The following ABI2 variants were observed in gnomAD, a reference collection of about 807,000 sequenced individuals.
ABI2 encodes abelson interactor 2.
Under a neutral mutation model 59.2 loss-of-function variants are expected in ABI2, and 25 were observed. That is an observed-to-expected ratio of 0.42 (90% CI 0.31 to 0.59). The LOEUF is 0.59. Among genes scored for constraint, ABI2 ranks in the 20% least tolerant of loss-of-function variants. The pLI, the probability that ABI2 is intolerant of heterozygous loss-of-function variation, is 0.14. For missense variants in ABI2, 545 were observed against 681.8 expected, an observed-to-expected ratio of 0.80 and a Z score of 2.23; for synonymous variants, 213 against 235.5, an observed-to-expected ratio of 0.90 and a Z score of 0.87.
chr2:203,334,103 G>A (rs1280768644), intron 1 of ABI2, among the ~76,000 whole-genome samples: 1 of 151,932 alleles, frequency 6.6e-6, no homozygotes, highest in African/African-American at 2.4e-5. Context: ...AGCATACCCA[G>A]CTAATTTTTG....
At chr2:203,377,110 G>A (rs193293710) in intron 2 of ABI2, among the ~76,000 whole-genome samples, 9 of 152,270 alleles carry the variant, frequency 5.9e-5, no homozygotes. Context: ...TTGAGGTCAG[G>A]AGTTCAAGAC....
At chr2:203,345,270 C>T (rs960110666) in intron 1 of ABI2, among the ~76,000 whole-genome samples, 1 of 152,128 alleles carries the variant, frequency 6.6e-6, no homozygotes, top group African/African-American at 2.4e-5. Flanking sequence ...ACGCTCACTG[C>T]GAAGGTCTGT....
intron 1 of ABI2, among the ~76,000 whole-genome samples, chr2:203,360,065 G>C (rs2152892548): frequency 6.6e-6 from 1 of 151,290 alleles, no homozygotes; most frequent in Admixed American, 6.6e-5. Flanking sequence ...CATGCCTGTA[G>C]TCCCAGCTAC....
chr2:203,328,539 G>A lies in ABI2; in HGVS notation c.25G>A (p.Glu9Lys). 1.2e-6 allele frequency: 2 copies of A among 1,605,246 alleles called. No individual in the cohort carries two copies. Among genetic ancestry groups the A allele is most frequent in the Non-Finnish European group, 1.7e-6 (2 of 1,176,234 alleles). ...GATGGCGGAGCTGCAGATGCTGCTG[G>A]AAGAGGAAATCCCGGGGGGCCGCCG... MAELQMLL[E>K]EEIPGGRRAL... The change falls in exon 1 of 12, where the codon GAA becomes AAA. Residue 9 changes from glutamate to lysine, a missense_variant. Glu to Lys is a moderately conservative substitution (Grantham distance 56). Transcript: ENST00000261018.
At chr2:203,339,363 T>G (rs1390629193) in intron 1 of ABI2, among the ~76,000 whole-genome samples, 1 of 151,736 alleles carries the variant, frequency 6.6e-6, no homozygotes, top group East Asian at 1.9e-4. Context: ...GCAGATTACC[T>G]GAGGTCAGGA....
chr2:203,349,281 C>T (rs375704389), intron 1 of ABI2, among the ~76,000 whole-genome samples: 1 of 152,034 alleles, frequency 6.6e-6, no homozygotes, highest in African/African-American at 2.4e-5. Flanking sequence ...GTGTTTTTTC[C>T]ACAAACAAGA....
intron 1 of ABI2, among the ~76,000 whole-genome samples, chr2:203,344,989 G>C (rs1206477918): frequency 6.6e-6 from 1 of 152,212 alleles, no homozygotes; most frequent in Non-Finnish European, 1.5e-5. Flanking sequence ...GGACCAATCA[G>C]TAGGACGTGG....
At chr2:203,374,828 C>T (rs2095573033) in intron 2 of ABI2, 1 of 455,930 alleles carries the variant, frequency 2.2e-6, no homozygotes, top group Non-Finnish European at 4.4e-6. Flanking sequence ...AGATGTTTTC[C>T]CACACTGATG....
At chr2:203,403,853 G>T (rs1372297449) in intron 9 of ABI2, among the ~76,000 whole-genome samples, 1 of 147,802 alleles carries the variant, frequency 6.8e-6, no homozygotes, top group African/African-American at 2.5e-5. Flanking sequence ...CTGGGTTCAA[G>T]AGATTCTCCT....
At chr2:203,342,344 T>G (rs573682807) in intron 1 of ABI2, 5 of 371,424 alleles carry the variant, frequency 1.3e-5, no homozygotes, top group South Asian at 1.0e-4. Context: ...GGGACTGTTT[T>G]TTTGTTTTTC....
At chr2:203,359,626 A>G (rs1166763428) in intron 1 of ABI2, among the ~76,000 whole-genome samples, 1 of 152,144 alleles carries the variant, frequency 6.6e-6, no homozygotes, top group East Asian at 1.9e-4. Context: ...GGGAAGTCCA[A>G]GATCAAGACG....
intron 1 of ABI2, among the ~76,000 whole-genome samples, chr2:203,366,587 T>C (rs756023939): frequency 1.4e-4 from 21 of 152,340 alleles, no homozygotes; most frequent in Non-Finnish European, 2.6e-4. Flanking sequence ...ATATATACTT[T>C]GCTGCCACTG....
intron 1 of ABI2, among the ~76,000 whole-genome samples, chr2:203,363,364 C>T (rs553818775): frequency 2.6e-5 from 4 of 152,044 alleles, no homozygotes; most frequent in Non-Finnish European, 4.4e-5. Flanking sequence ...ATGAAATCAC[C>T]CTGTTGTGCT....
At chr2:203,338,160 C>T (rs562626842) in intron 1 of ABI2, among the ~76,000 whole-genome samples, 2 of 152,300 alleles carry the variant, frequency 1.3e-5, no homozygotes, top group Non-Finnish European at 2.9e-5. Context: ...GCACCAGGTA[C>T]ACAATGGGGA....
At chr2:203,407,786 T>C (rs1418060025) in intron 9 of ABI2, among the ~76,000 whole-genome samples, 2 of 152,188 alleles carry the variant, frequency 1.3e-5, no homozygotes, top group South Asian at 4.1e-4. Flanking sequence ...CCTGCTCTTC[T>C]TTGCCTGTTC....
At chr2:203,415,863 T>C (rs1049686296) in intron 10 of ABI2, among the ~76,000 whole-genome samples, 1 of 152,196 alleles carries the variant, frequency 6.6e-6, no homozygotes, top group East Asian at 1.9e-4. Flanking sequence ...AGTTTGAAGA[T>C]AATCTTTTTG....
intron 1 of ABI2, among the ~76,000 whole-genome samples, chr2:203,355,767 G>C (rs1412672637): frequency 6.7e-6 from 1 of 148,512 alleles, no homozygotes; most frequent in African/African-American, 2.5e-5. Context: ...GGAGGCAGAG[G>C]TTGCTGTGAG....
intron 3 of ABI2, 61 bp downstream of exon 3, chr2:203,380,445 GAA>G: frequency 8.9e-7 from 1 of 1,126,042 alleles, no homozygotes; most frequent in Non-Finnish European, 1.2e-6. Context: ...CAACTCTTGA[GAA>G]AATTAAGCTT....
chr2:203,383,091 G>T (rs1449713119), intron 4 of ABI2, among the ~76,000 whole-genome samples: 9 of 151,954 alleles, frequency 5.9e-5, no homozygotes, highest in Non-Finnish European at 1.2e-4. Context: ...TTGTAGGTGA[G>T]TTTTATAGTT....
Sources: gnomAD v4.1 joint callset for allele counts (sites outside exome capture counted in the v4.1 genomes callset) on GRCh38, gnomAD v4.1.1 for gene constraint, MANE v1.5 for transcripts, NCBI Gene and HGNC (gene_info 2026-07-23, HGNC 2026-07-21) for gene names.